RANBP17: variants seen among roughly 807,000 people sequenced by gnomAD.
RANBP17 encodes the protein RAN binding protein 17.
In RANBP17, 158 loss-of-function variants were observed where a neutral mutation model predicts 141.2. The ratio of observed to expected loss-of-function variants is 1.12; its 90% CI spans 0.98 to 1.28. RANBP17 has a LOEUF of 1.28. RANBP17 is among the 50% of genes most tolerant of loss of function. The pLI is 0.00. For synonymous variants in RANBP17, 430 were observed against 450.0 expected (o/e 0.96, Z 0.56); for missense variants, 1,438 against 1,290.7 (o/e 1.11, Z -1.75).
In RANBP17 at chr5:171,286,859, T is replaced by A. The variant is rs550016788; in HGVS notation, c.2944-7024T>A. ...TGGGTCTCCAACCAGGGCATGGGGC[T>A]TAGGTGAAATTGCTGTGGAGATGGG... On this transcript the variant is annotated intron_variant, in intron 25 of 27. Transcript: ENST00000523189. Among the ~76,000 whole-genome samples the A allele has an allele frequency of 4.6e-5, 7 of 152,352 alleles. No homozygotes were observed. In the East Asian group the frequency reaches 1.3e-3, roughly 29 times the overall value.
chr5:170,887,219 T>A (rs979919372), intron 3 of RANBP17, among the ~76,000 whole-genome samples: 10 of 152,190 alleles, frequency 6.6e-5, no homozygotes, highest in Non-Finnish European at 1.3e-4. Flanking sequence ...GCAAATATTT[T>A]CTCCCGATCT....
intron 14 of RANBP17, among the ~76,000 whole-genome samples, chr5:171,026,237 A>T (rs527447530): frequency 6.6e-6 from 1 of 152,334 alleles, no homozygotes; most frequent in African/African-American, 2.4e-5. Flanking sequence ...GGCTACATAC[A>T]CAATCTTATT....
At chr5:170,945,866 GC>G (rs1774705961) in intron 12 of RANBP17, among the ~76,000 whole-genome samples, 1 of 152,106 alleles carries the variant, frequency 6.6e-6, no homozygotes, top group Non-Finnish European at 1.5e-5. Context: ...CAAAGCATAT[GC>G]AGTCTCATCT....
intron 1 of RANBP17, among the ~76,000 whole-genome samples, chr5:170,873,152 C>T (rs533819782): frequency 6.6e-6 from 1 of 152,302 alleles, no homozygotes; most frequent in East Asian, 1.9e-4. Flanking sequence ...CTCAGGTGAT[C>T]CACCCACCTT....
chr5:171,047,839 T>C (rs577524007), intron 14 of RANBP17, among the ~76,000 whole-genome samples: 1 of 152,330 alleles, frequency 6.6e-6, no homozygotes, highest in South Asian at 2.1e-4. Flanking sequence ...GTAGCTTGTT[T>C]TTTTCATTCT....
At chr5:171,009,668 A>T (rs1357493049) in intron 14 of RANBP17, among the ~76,000 whole-genome samples, 3 of 116,302 alleles carry the variant, frequency 2.6e-5, no homozygotes, top group Non-Finnish European at 6.1e-5. Context: ...TTTTTGAAAA[A>T]TTTTTTGAAT....
chr5:170,941,640 A>T (rs1037708614), intron 12 of RANBP17, among the ~76,000 whole-genome samples: 4 of 152,206 alleles, frequency 2.6e-5, no homozygotes, highest in African/African-American at 4.8e-5. Context: ...AATAGCAAAT[A>T]GGCATCTGGC....
intron 18 of RANBP17, among the ~76,000 whole-genome samples, chr5:171,184,496 G>A (rs940804784): frequency 2.7e-5 from 4 of 150,158 alleles, no homozygotes; most frequent in Non-Finnish European, 5.9e-5. Flanking sequence ...AGGTGATGCT[G>A]GTCAAAAGAT....
intron 14 of RANBP17, among the ~76,000 whole-genome samples, chr5:171,129,740 C>T (rs1160252707): frequency 6.6e-6 from 1 of 152,160 alleles, no homozygotes; most frequent in East Asian, 1.9e-4. Flanking sequence ...AAATCACAGT[C>T]ACACCTTACC....
intron 14 of RANBP17, among the ~76,000 whole-genome samples, chr5:171,169,155 G>A (rs537652280): frequency 3.9e-5 from 6 of 152,248 alleles, no homozygotes; most frequent in African/African-American, 1.4e-4. Flanking sequence ...ATGACCTATG[G>A]TGGTGTATCA....
chr5:171,056,000 G>C (rs1465210085), intron 14 of RANBP17, among the ~76,000 whole-genome samples: 2 of 151,236 alleles, frequency 1.3e-5, no homozygotes, highest in Non-Finnish European at 2.9e-5. Flanking sequence ...ATCAGCTAGA[G>C]AGAAACAAAT....
chr5:170,869,672 A>G (rs183357764), intron 1 of RANBP17, among the ~76,000 whole-genome samples: 3 of 151,966 alleles, frequency 2.0e-5, no homozygotes, highest in Middle Eastern at 3.4e-3. Flanking sequence ...TGCATCTCAA[A>G]TCTCCCTCCT....
At position 170,953,672 on chromosome 5, in the gene RANBP17, A is replaced by G. The variant is rs970969183; in HGVS notation, c.1544A>G (p.His515Arg). Residue 515 changes from histidine to arginine, a missense_variant, in exon 13 of 28, where the codon CAT becomes CGT. His to Arg is a conservative substitution (Grantham distance 29). Coordinates refer to ENST00000523189, the MANE Select transcript of RANBP17 (RefSeq NM_022897.5). Reference sequence around the variant, plus strand: ...TTAACATATACCAGTACAGATGAGCATGATGCTATGGATGGAGAATTATCC... The same window carrying G: ...TTAACATATACCAGTACAGATGAGCGTGATGCTATGGATGGAGAATTATCC... ...GRLTYTSTDE[H>R]DAMDGELSCR... 15 of 1,608,386 alleles carry G rather than the reference A, an allele frequency of 9.3e-6. No individual in the cohort carries two copies. The highest frequency in any genetic ancestry group is 1.3e-5 in the African/African-American group (1 of 74,786).
intron 26 of RANBP17, among the ~76,000 whole-genome samples, chr5:171,295,394 A>G (rs1768753795): frequency 6.6e-6 from 1 of 152,146 alleles, no homozygotes; most frequent in Non-Finnish European, 1.5e-5. Context: ...ACCCCCAAGG[A>G]CAGAGACTTG....
chr5:171,250,951 T>C (rs1765519131), intron 24 of RANBP17, among the ~76,000 whole-genome samples: 1 of 152,160 alleles, frequency 6.6e-6, no homozygotes, highest in Admixed American at 6.5e-5. Flanking sequence ...CAAAGACACT[T>C]TGCATTTAAA....
chr5:171,235,254 A>C (rs1764465226), intron 22 of RANBP17, among the ~76,000 whole-genome samples: 1 of 152,028 alleles, frequency 6.6e-6, no homozygotes, highest in Non-Finnish European at 1.5e-5. Context: ...AGAAGAGAAG[A>C]AATGGAAACA....
At chr5:170,864,847 T>C (rs1767105475) in intron 1 of RANBP17, among the ~76,000 whole-genome samples, 1 of 152,160 alleles carries the variant, frequency 6.6e-6, no homozygotes, top group Non-Finnish European at 1.5e-5. Context: ...AGAAAAGGTA[T>C]GTGGGAATGA....
chr5:171,001,067 A>G (rs1779168983), intron 14 of RANBP17, among the ~76,000 whole-genome samples: 1 of 152,168 alleles, frequency 6.6e-6, no homozygotes, highest in South Asian at 2.1e-4. Context: ...AAGAAAAGCA[A>G]AGCAAAATAG....
intron 14 of RANBP17, among the ~76,000 whole-genome samples, chr5:170,988,027 C>T (rs748831525): frequency 6.6e-6 from 1 of 151,390 alleles, no homozygotes; most frequent in Non-Finnish European, 1.5e-5. Context: ...CTTACTCTCT[C>T]CCTTGTGCTA....
Sources: gnomAD v4.1 joint callset for allele counts (sites outside exome capture counted in the v4.1 genomes callset) on GRCh38, gnomAD v4.1.1 for gene constraint, MANE v1.5 for transcripts, NCBI Gene and HGNC (gene_info 2026-07-23, HGNC 2026-07-21) for gene names.